TLN2: variants seen among roughly 807,000 people sequenced by gnomAD.
TLN2 encodes the protein talin-2.
Under a neutral mutation model 294.7 loss-of-function variants are expected in TLN2, and 118 were observed. The observed-to-expected ratio is 0.40, with a 90% confidence interval of 0.34 to 0.47. The LOEUF (loss-of-function observed/expected upper bound fraction) is 0.47. Among genes scored for constraint, TLN2 ranks in the 20% least tolerant of loss-of-function variants. The pLI is 0.84. For missense variants in TLN2, 3,083 were observed against 3,282.2 expected (o/e 0.94, Z 1.48); for synonymous variants, 1,431 against 1,304.5 (o/e 1.10, Z -2.09).
intron 42 of TLN2, 68 bp from the exon 43 acceptor site, chr15:62,776,696 G>A (rs2063741063): frequency 7.5e-7 from 1 of 1,325,150 alleles, no homozygotes; most frequent in African/African-American, 1.5e-5. Context: ...TACTTTTGAA[G>A]GTTATTCTTA....
chr15:62,771,672 A>G (rs890978438), intron 42 of TLN2, among the ~76,000 whole-genome samples: 4 of 152,222 alleles, frequency 2.6e-5, no homozygotes, highest in Non-Finnish European at 4.4e-5. Context: ...GAACTGAAGA[A>G]GAGAGAATAG....
At chr15:62,696,567 G>A (rs535751390) in intron 14 of TLN2, among the ~76,000 whole-genome samples, 12 of 152,176 alleles carry the variant, frequency 7.9e-5, no homozygotes, top group Admixed American at 2.0e-4. Context: ...AATTAGCCAG[G>A]TGTGGTGGCA....
intron 54 of TLN2, among the ~76,000 whole-genome samples, chr15:62,825,749 A>AT (rs1491503641): frequency 1.0e-4 from 11 of 107,246 alleles, no homozygotes; most frequent in African/African-American, 3.0e-4. Context: ...TATATATATT[A>AT]AATATAATTA....
chr15:62,416,913 G>C (rs1039026796), intron 1 of TLN2, among the ~76,000 whole-genome samples: 1 of 152,172 alleles, frequency 6.6e-6, no homozygotes, highest in Non-Finnish European at 1.5e-5. Flanking sequence ...TGATGCCATG[G>C]CATGGGGGCT....
chr15:62,708,596 C>G lies in TLN2; in HGVS notation c.2267C>G (p.Ala756Gly), dbSNP rs2059219185. 1 of 1,614,082 alleles carries G rather than the reference C, an allele frequency of 6.2e-7. No homozygotes were observed. The highest frequency in any genetic ancestry group is 1.3e-5 in the African/African-American group (1 of 74,922). The stretch of plus-strand genomic sequence containing the variant: ...CGCTCGGTGGAGAACTGTGTCCGTG[C>G]CTGCCAGGCGGCCACTACCGATAGT... ...VDRSVENCVRACQAATTDSEL... is the reference protein window; with the variant it reads ...VDRSVENCVRGCQAATTDSEL... Residue 756 changes from alanine to glycine, a missense_variant, in exon 21 of 59, where the codon GCC becomes GGC. Coordinates refer to ENST00000636159, the MANE Select transcript of TLN2 (RefSeq NM_015059.3).
chr15:62,639,394 T>C (rs1038878401), intron 3 of TLN2, among the ~76,000 whole-genome samples: 1 of 152,198 alleles, frequency 6.6e-6, no homozygotes, highest in Non-Finnish European at 1.5e-5. Flanking sequence ...CTGACCTGTG[T>C]GGGCTGCTGC....
At chr15:62,611,675 A>AT (rs1222089417) in intron 2 of TLN2, among the ~76,000 whole-genome samples, 1 of 152,130 alleles carries the variant, frequency 6.6e-6, no homozygotes, top group Non-Finnish European at 1.5e-5. Flanking sequence ...CAGAGGGATC[A>AT]TTCTCCCACA....
At position 62,763,710 on chromosome 15, in the gene TLN2, T is replaced by C. The variant is rs2062816555; in HGVS notation, c.5094+15T>C. 11 of 1,593,502 alleles carry C rather than the reference T, an allele frequency of 6.9e-6. No individual in the cohort carries two copies. Among genetic ancestry groups the C allele is most frequent in the East Asian group, 6.7e-5 (3 of 44,472 alleles). The stretch of plus-strand genomic sequence containing the variant: ...TCTCTGTGGAGGTAAGCTGGGAATC[T>C]GGGGGCCTGCTTAGTCGCCTCTAGA... On this transcript the variant is annotated intron_variant, in intron 40 of 58. Transcript: ENST00000636159.
chr15:62,748,646 GA>G (rs1463269858), intron 33 of TLN2, among the ~76,000 whole-genome samples: 2 of 152,240 alleles, frequency 1.3e-5, no homozygotes, highest in African/African-American at 2.4e-5. Flanking sequence ...AGAGAAACTA[GA>G]TTTAGTGGGA....
chr15:62,692,760 GT>G, intron 12 of TLN2, 79 bp from the exon 13 acceptor site: 1 of 1,062,820 alleles, frequency 9.4e-7, no homozygotes, highest in Middle Eastern at 2.0e-4. Context: ...ATGTCATATT[GT>G]TCTAGAGCTG....
Position 62,820,531 on chromosome 15 carries a change from C to T in TLN2, c.6923C>T (p.Thr2308Ile), listed in dbSNP as rs759758909. The change falls in exon 54 of 59, where the codon ACA becomes ATA. Residue 2308 changes from threonine (T) to isoleucine (I), a missense_variant. By Grantham distance (89) the Thr-to-Ile change is moderately conservative. Coordinates refer to ENST00000636159, the MANE Select transcript of TLN2 (RefSeq NM_015059.3). ...DPEDPTVIAE[T>I]ELLGAAASIE... ...GAAGACCCAACTGTCATTGCAGAAA[C>T]AGAGTTACTGGGGGCTGCAGCATCC... 3 of 1,613,972 alleles carry T rather than the reference C, an allele frequency of 1.9e-6. No individual in the cohort carries two copies. The highest frequency in any genetic ancestry group is 2.5e-6 in the Non-Finnish European group (3 of 1,179,928).
Position 62,652,139 on chromosome 15 carries a change from G to A in TLN2, c.364+5G>A, listed in dbSNP as rs749446261. 1.9e-6 allele frequency: 3 copies of A among 1,566,048 alleles called. No individual in the cohort carries two copies. In the African/African-American group the frequency reaches 4.1e-5, roughly 21 times the overall value. On this transcript the variant is annotated splice_donor_5th_base_variant and intron_variant, in intron 6 of 58. Coordinates refer to ENST00000636159, the MANE Select transcript of TLN2 (RefSeq NM_015059.3). Reference sequence around the variant, plus strand: ...TCACTATTTGTAGCAGAATAGGTGAGCATTCATACACCTTCATTATGTCTT... The same window carrying A: ...TCACTATTTGTAGCAGAATAGGTGAACATTCATACACCTTCATTATGTCTT...
At chr15:62,404,703 C>T (rs2033276990) in intron 1 of TLN2, among the ~76,000 whole-genome samples, 1 of 140,438 alleles carries the variant, frequency 7.1e-6, no homozygotes, top group African/African-American at 2.4e-5. Context: ...GCTGGATCTT[C>T]CAAGGGGGGC....
chr15:62,625,067 T>G (rs1332303191), intron 3 of TLN2, among the ~76,000 whole-genome samples: 1 of 152,200 alleles, frequency 6.6e-6, no homozygotes, highest in Non-Finnish European at 1.5e-5. Context: ...GGGGTGTGTG[T>G]TATTGTGCTG....
chr15:62,805,272 T>C (rs79521894), intron 50 of TLN2, among the ~76,000 whole-genome samples: 3,253 of 152,216 alleles, frequency 0.021, 62 homozygotes, highest in Admixed American at 0.035. Context: ...AAGAGAACTA[T>C]GAAGCCATAC....
At chr15:62,658,012 G>C (rs144297408) in intron 9 of TLN2, 114 bp downstream of exon 9, 41 of 1,074,716 alleles carry the variant, frequency 3.8e-5, no homozygotes, top group Non-Finnish European at 5.1e-5. Flanking sequence ...TCATTTGTGA[G>C]AATGCTAGCT....
At chr15:62,452,423 A>G (rs560013007) in intron 1 of TLN2, among the ~76,000 whole-genome samples, 2 of 152,362 alleles carry the variant, frequency 1.3e-5, no homozygotes, top group South Asian at 4.1e-4. Flanking sequence ...AAGGACGTCG[A>G]CAGTTTAAAA....
intron 32 of TLN2, among the ~76,000 whole-genome samples, chr15:62,746,079 C>T (rs576224048): frequency 9.5e-4 from 144 of 152,320 alleles, no homozygotes; most frequent in African/African-American, 3.3e-3. Context: ...GGCTTTCCCA[C>T]AGCTGTATAT....
At chr15:62,640,490 G>C (rs1052711190) in intron 3 of TLN2, 12 of 393,244 alleles carry the variant, frequency 3.1e-5, no homozygotes, top group Non-Finnish European at 1.0e-5. Context: ...CTTTACACAG[G>C]AGTGTGCAGA....
Sources: allele counts gnomAD v4.1 joint callset (sites outside exome capture counted in the v4.1 genomes callset), GRCh38; gene constraint gnomAD v4.1.1; transcripts MANE v1.5; gene names NCBI Gene and HGNC (gene_info 2026-07-23, HGNC 2026-07-21).